The following ZNF525 variants were observed in gnomAD, a reference collection of about 807,000 sequenced individuals.
ZNF525 encodes the protein zinc finger protein 525.
In ZNF525, 33 loss-of-function variants were observed where a neutral mutation model predicts 37.6. The observed-to-expected ratio is 0.88, with a 90% CI of 0.67 to 1.17. The LOEUF (loss-of-function observed/expected upper bound fraction) is 1.17, where lower values mean the gene tolerates loss of function less well. Among genes scored for constraint, ZNF525 ranks in the 50% most tolerant of loss-of-function variants. The pLI, the probability that ZNF525 is intolerant of heterozygous loss-of-function variation, is 0.00. For missense variants in ZNF525, 449 were observed against 543.1 expected, an observed-to-expected ratio of 0.83 and a Z score of 1.72; for synonymous variants, 170 against 182.3, an observed-to-expected ratio of 0.93 and a Z score of 0.54.
At chr19:53,372,867 T>G (rs8111280) in intron 2 of ZNF525, among the ~76,000 whole-genome samples, 43,647 of 152,098 alleles carry the variant, frequency 0.29, 7,620 homozygotes, top group African/African-American at 0.49. Context: ...TTTAAGAATA[T>G]GAAATCAACC....
At position 53,366,270 on chromosome 19, in the gene ZNF525, A is replaced by C. The variant is rs74742276; in HGVS notation, c.-68+511A>C. ...CCCCAGGTCTCCCATCCGCAGTCAC[A>C]GCTTGCCCTGAGCCTGCGTTAGGGG... On this transcript the variant is annotated intron_variant, in intron 1 of 3. Coordinates refer to ENST00000474037, the MANE Select transcript of ZNF525 (RefSeq NM_001348156.2). 1.3e-3 allele frequency among the ~76,000 whole-genome samples: 151 copies of C among 113,238 alleles called. 43 individuals are homozygous for C. The highest frequency in any genetic ancestry group is 2.3e-3 in the Non-Finnish European group (103 of 44,214). 74.3% of individuals were successfully genotyped at this position (113,238 alleles called of 152,430 possible).
At chr19:53,371,016 C>T (rs917417242) in intron 1 of ZNF525, among the ~76,000 whole-genome samples, 1 of 152,182 alleles carries the variant, frequency 6.6e-6, no homozygotes, top group Non-Finnish European at 1.5e-5. Context: ...TGTCTCAGGT[C>T]GTTGTCCCTG....
chr19:53,373,987 A>T (rs1490749434), intron 2 of ZNF525, among the ~76,000 whole-genome samples: 1 of 152,048 alleles, frequency 6.6e-6, no homozygotes, highest in Admixed American at 6.6e-5. Flanking sequence ...AGCTCAAGCG[A>T]TTCTCCTGCC....
chr19:53,382,593 A>G lies in ZNF525; in HGVS notation c.*574A>G, dbSNP rs1261333200. 5 of 671,128 alleles carry G rather than the reference A, an allele frequency of 7.5e-6. No homozygotes were observed. Among genetic ancestry groups the G allele is most frequent in the Non-Finnish European group, 1.4e-5 (5 of 359,430 alleles). 41.6% of individuals were successfully genotyped at this position (671,128 alleles called of 1,614,324 possible). ...TGCAATGAGTGTGGCAAAACCTTTC[A>G]TAGGCAGTCAGCGCTTATTTACCAT... On this transcript the variant is annotated 3_prime_UTR_variant, in exon 4 of 4. Coordinates refer to ENST00000474037, the MANE Select transcript of ZNF525 (RefSeq NM_001348156.2).
At chr19:53,376,108 A>C (rs778079795) in intron 3 of ZNF525, 19 of 1,136,780 alleles carry the variant, frequency 1.7e-5, no homozygotes, top group Non-Finnish European at 2.4e-5. Flanking sequence ...CCATGCCAGG[A>C]TACTTTTTTA....
chr19:53,381,760 A>G lies in ZNF525; in HGVS notation c.1181A>G (p.His394Arg). The G allele has an allele frequency of 1.9e-6, 2 of 1,061,094 alleles. No individual in the cohort carries two copies. The highest frequency in any genetic ancestry group is 3.0e-6 in the Non-Finnish European group (2 of 674,488). 65.7% of individuals were successfully genotyped at this position (1,061,094 alleles called of 1,614,324 possible). Residue 394 changes from histidine to arginine, a missense_variant, in exon 4 of 4, where the codon CAT (histidine) becomes CGT (arginine). Transcript: ENST00000474037. Reference protein sequence around the residue: ...KCNDCGKTFSHMSTLTCHRRL... With the variant: ...KCNDCGKTFSRMSTLTCHRRL... ...AATGATTGTGGCAAGACCTTCAGTC[A>G]TATGTCAACCCTTACATGCCATCGT...
intron 1 of ZNF525, among the ~76,000 whole-genome samples, chr19:53,371,635 C>T (rs1352326622): frequency 2.6e-5 from 4 of 152,270 alleles, no homozygotes; most frequent in Admixed American, 1.3e-4. Context: ...TTCCAGAGTG[C>T]TAGTATTACA....
chr19:53,372,129 G>T (rs2085491868), intron 1 of ZNF525, 86 bp from the exon 2 acceptor site: 2 of 514,482 alleles, frequency 3.9e-6, no homozygotes. Context: ...TTTCATCAGG[G>T]TGAGGTCTCC....
chr19:53,385,658 G>A lies in ZNF525; in HGVS notation c.*3639G>A. Reference sequence around the variant, plus strand: ...GCTATGATCATGCCACTGCACTCCAGCATGGGTGATGGAGAGAGATACTGT... The same window carrying A: ...GCTATGATCATGCCACTGCACTCCAACATGGGTGATGGAGAGAGATACTGT... On this transcript the variant is annotated 3_prime_UTR_variant, in exon 4 of 4. Transcript: ENST00000474037. The A allele has an allele frequency of 6.5e-6, 1 of 154,762 alleles. No homozygotes were observed. Among genetic ancestry groups the A allele is most frequent in the Non-Finnish European group, 1.4e-5 (1 of 69,862 alleles). 9.6% of individuals were successfully genotyped at this position (154,762 alleles called of 1,614,324 possible). A position where few individuals can be genotyped will look rare whatever the true frequency, so the allele number is the denominator to read the frequency against.
intron 1 of ZNF525, among the ~76,000 whole-genome samples, chr19:53,368,617 G>A (rs2085464396): frequency 6.6e-6 from 1 of 152,184 alleles, no homozygotes; most frequent in African/African-American, 2.4e-5. Flanking sequence ...TTTTCAGCTA[G>A]CCAAGCAAAC....
intron 1 of ZNF525, among the ~76,000 whole-genome samples, chr19:53,369,850 C>A (rs1460172444): frequency 7.3e-6 from 1 of 136,718 alleles, no homozygotes; most frequent in Non-Finnish European, 1.6e-5. Flanking sequence ...TCAGCCTCCC[C>A]AGTAGCTGGG....
At position 53,383,433 on chromosome 19, in the gene ZNF525, A is replaced by G; in HGVS notation, c.*1414A>G. ...AGAATGTGACAAAGTTTACAGTCGC[A>G]AATCAAACCTCGAAAGACAGGAGAA... On this transcript the variant is annotated 3_prime_UTR_variant, in exon 4 of 4. Coordinates refer to ENST00000474037, the MANE Select transcript of ZNF525 (RefSeq NM_001348156.2). 9.6e-7 allele frequency: 1 copy of G among 1,044,528 alleles called. No homozygotes were observed. The highest frequency in any genetic ancestry group is 1.4e-6 in the Non-Finnish European group (1 of 703,758). 64.7% of individuals were successfully genotyped at this position (1,044,528 alleles called of 1,614,324 possible).
Position 53,382,443 on chromosome 19 carries a change from C to A in ZNF525, c.*424C>A. ...CAAGACCTTCAGTCAGAAGTCATGC[C>A]TTACACGCCATCATAGACTTCATAC... On this transcript the variant is annotated 3_prime_UTR_variant, in exon 4 of 4. Transcript: ENST00000474037. 2.5e-6 allele frequency: 2 copies of A among 804,110 alleles called. No homozygotes were observed. The highest frequency in any genetic ancestry group is 2.2e-6 in the Non-Finnish European group (1 of 456,816). The allele number at this position is 804,110 out of a possible 1,614,324, so 49.8% of individuals were successfully genotyped here.
rs758892084 is a variant in ZNF525, at chr19:53,380,957, T to C, written c.378T>C (p.Tyr126=). The change falls in exon 4 of 4, where the codon TAT becomes TAC. Residue 126 remains tyrosine, a synonymous_variant. Transcript: ENST00000474037. ...IKKLMGSTEQ[Y]DHRHAGNKPI... is the part of the protein sequence containing the mutation. ...AATTGATGGGTAGTACAGAGCAATA[T>C]GATCACAGGCATGCTGGAAACAAGC... The C allele has an allele frequency of 6.3e-7, 1 of 1,580,318 alleles. No homozygotes were observed. Among genetic ancestry groups the C allele is most frequent in the African/African-American group, 1.3e-5 (1 of 74,336 alleles).
Position 53,380,835 on chromosome 19 carries a change from T to G in ZNF525, c.256T>G (p.Ser86Ala), listed in dbSNP as rs1222017152. The change falls in exon 4 of 4, where the codon TCC (serine) becomes GCC (alanine). Residue 86 changes from serine to alanine, a missense_variant. Coordinates refer to ENST00000474037, the MANE Select transcript of ZNF525 (RefSeq NM_001348156.2). ...RHERHHIGDF[S>A]FQEIEKDIHN... ...TGAACGTCATCACATTGGAGATTTT[T>G]CCTTCCAGGAAATTGAGAAAGATAT... The G allele has an allele frequency of 6.9e-7, 1 of 1,444,590 alleles. No homozygotes were observed. Among genetic ancestry groups the G allele is most frequent in the Non-Finnish European group, 9.7e-7 (1 of 1,025,650 alleles). The allele number at this position is 1,444,590 out of a possible 1,614,324, so 89.5% of individuals were successfully genotyped here. A position where few individuals can be genotyped will look rare whatever the true frequency, so the allele number is the denominator to read the frequency against.
chr19:53,377,712 A>C (rs2085532262), intron 3 of ZNF525, among the ~76,000 whole-genome samples: 1 of 151,864 alleles, frequency 6.6e-6, no homozygotes, highest in Non-Finnish European at 1.5e-5. Flanking sequence ...GTGCCACCAC[A>C]CCAGGCTAAT....
At chr19:53,369,198 G>A (rs536913237) in intron 1 of ZNF525, among the ~76,000 whole-genome samples, 1 of 152,058 alleles carries the variant, frequency 6.6e-6, no homozygotes, top group African/African-American at 2.4e-5. Flanking sequence ...GATACATAAG[G>A]TTGGTTATTT....
At chr19:53,377,807 C>T (rs1013540783) in intron 3 of ZNF525, among the ~76,000 whole-genome samples, 1 of 152,074 alleles carries the variant, frequency 6.6e-6, no homozygotes, top group African/African-American at 2.4e-5. Flanking sequence ...TGATCCTCCT[C>T]CCTCAGCCTC....
At position 53,382,063 on chromosome 19, in the gene ZNF525, A is replaced by AT. The variant is rs1483070477; in HGVS notation, c.*45dup. Reference sequence around the variant, plus strand: ...AAAATTCATACTGGAGAGAAATGTTATAAGTGTAATGATTGTGGCAAGATC... The same window carrying AT: ...AAAATTCATACTGGAGAGAAATGTTATTAAGTGTAATGATTGTGGCAAGATC... On this transcript the variant is annotated 3_prime_UTR_variant, in exon 4 of 4. Transcript: ENST00000474037. The AT allele has an allele frequency of 7.1e-7, 1 of 1,416,146 alleles. No homozygotes were observed. The highest frequency in any genetic ancestry group is 1.2e-5 in the South Asian group (1 of 83,884). 87.7% of individuals were successfully genotyped at this position (1,416,146 alleles called of 1,614,324 possible).
Sources: allele counts gnomAD v4.1 joint callset (sites outside exome capture counted in the v4.1 genomes callset), GRCh38; gene constraint gnomAD v4.1.1; transcripts MANE v1.5; gene names NCBI Gene and HGNC (gene_info 2026-07-23, HGNC 2026-07-21).